The following FBXL7 variants were observed in gnomAD, a reference collection of about 807,000 sequenced individuals.
FBXL7 encodes the protein F-box/LRR-repeat protein 7.
Under a neutral mutation model 38.3 loss-of-function variants are expected in FBXL7, and 12 were observed. That is an observed-to-expected ratio of 0.31 (90% CI 0.20 to 0.51). FBXL7 has a LOEUF of 0.51. Ranked by LOEUF, FBXL7 falls within the 20% of genes least tolerant of loss-of-function variation. The probability of loss-of-function intolerance (pLI) is 0.98; values close to 1 mark genes in which losing one functional copy is unlikely to be tolerated. For synonymous variants in FBXL7, 297 were observed against 300.9 expected (o/e 0.99, Z 0.13); for missense variants, 567 against 676.4 (o/e 0.84, Z 1.79).
At chr5:15,834,006 A>G (rs1738524351) in intron 2 of FBXL7, among the ~76,000 whole-genome samples, 1 of 152,212 alleles carries the variant, frequency 6.6e-6, no homozygotes, top group African/African-American at 2.4e-5. Flanking sequence ...TCTTTTTACC[A>G]TCTAGGCAAT....
intron 2 of FBXL7, among the ~76,000 whole-genome samples, chr5:15,646,267 A>G (rs57833436): frequency 0.029 from 4,444 of 152,294 alleles, 106 homozygotes; most frequent in East Asian, 0.055. Context: ...TGATCCTGAC[A>G]ATATCCTAAT....
intron 1 of FBXL7, among the ~76,000 whole-genome samples, chr5:15,534,669 TA>T (rs1156297659): frequency 6.6e-6 from 1 of 152,204 alleles, no homozygotes; most frequent in Non-Finnish European, 1.5e-5. Context: ...CTCCTTTAGG[TA>T]AATACCAAGG....
In FBXL7 at chr5:15,936,680, G is replaced by T. The variant is rs745600754; in HGVS notation, c.970G>T (p.Ala324Ser). ...EGLRYLVIYCASIKELSVSDC... is the reference protein window; with the variant it reads ...EGLRYLVIYCSSIKELSVSDC... The stretch of plus-strand genomic sequence containing the variant: ...CCTGCGCTACCTGGTGATCTACTGC[G>T]CCTCCATCAAGGAGCTGAGCGTCAG... Residue 324 changes from alanine to serine, a missense_variant, in exon 4 of 4, where the codon GCC (alanine) becomes TCC (serine). Physicochemically the swap from Ala to Ser is moderately conservative, Grantham distance 99. Coordinates refer to ENST00000504595, the MANE Select transcript of FBXL7 (RefSeq NM_012304.5). The surrounding 1 kb of genome is among the most constrained non-coding windows in gnomAD (Gnocchi z 6.0). 1.9e-6 allele frequency: 3 copies of T among 1,608,254 alleles called. No individual in the cohort carries two copies. Among genetic ancestry groups the T allele is most frequent in the East Asian group, 2.2e-5 (1 of 44,870 alleles).
intron 2 of FBXL7, among the ~76,000 whole-genome samples, chr5:15,685,541 ATGG>A (rs1332656859): frequency 6.6e-6 from 1 of 152,114 alleles, no homozygotes; most frequent in Non-Finnish European, 1.5e-5. Context: ...TGTGTAGGGG[ATGG>A]TGGAATATTC....
rs60851536 is a variant in FBXL7 at position 15,723,334 on chromosome 5, C to T, written c.127+107262C>T. ...TTTGAATACTAGAAGAGTACTTTTT[C>T]ATTCTTTTGAAGCTATAGACATGAT... On this transcript the variant is annotated intron_variant, in intron 2 of 3. Coordinates refer to ENST00000504595, the MANE Select transcript of FBXL7 (RefSeq NM_012304.5). 2.1e-3 allele frequency among the ~76,000 whole-genome samples: 320 copies of T among 152,170 alleles called. 1 individual carries two copies. The highest frequency in any genetic ancestry group is 7.3e-3 in the African/African-American group (303 of 41,532).
chr5:15,756,073 A>G (rs545733224), intron 2 of FBXL7, among the ~76,000 whole-genome samples: 13 of 152,342 alleles, frequency 8.5e-5, no homozygotes, highest in Admixed American at 2.0e-4. Flanking sequence ...TTGCAGCTGT[A>G]CTAAGAATTT....
intron 2 of FBXL7, among the ~76,000 whole-genome samples, chr5:15,661,830 C>T (rs558332805): frequency 1.3e-5 from 2 of 152,298 alleles, no homozygotes; most frequent in South Asian, 4.1e-4. Flanking sequence ...ATTATGCCTC[C>T]ACCTCCATCC....
chr5:15,785,334 A>C (rs1737106850), intron 2 of FBXL7, among the ~76,000 whole-genome samples: 1 of 152,124 alleles, frequency 6.6e-6, no homozygotes, highest in South Asian at 2.1e-4. Flanking sequence ...GGTTAATGTG[A>C]CCATGATACA....
intron 2 of FBXL7, among the ~76,000 whole-genome samples, chr5:15,912,949 A>G (rs771584019): frequency 6.6e-6 from 1 of 152,190 alleles, no homozygotes; most frequent in Non-Finnish European, 1.5e-5. Flanking sequence ...ATCAGAGCCC[A>G]GCGTGCTGCA....
intron 1 of FBXL7, among the ~76,000 whole-genome samples, chr5:15,512,099 A>G (rs1371587196): frequency 6.6e-6 from 1 of 152,178 alleles, no homozygotes; most frequent in African/African-American, 2.4e-5. Context: ...GACCCTCAGC[A>G]TCACCGGAGT....
In FBXL7 at chr5:15,730,765, G is replaced by C. The variant is rs568245158; in HGVS notation, c.127+114693G>C. ...GCACAATTAGATATATGATACAAAG[G>C]GACAGTTTTCTGCTTCCTGATAACA... On this transcript the variant is annotated intron_variant, in intron 2 of 3. Transcript: ENST00000504595. Among the ~76,000 whole-genome samples the C allele has an allele frequency of 1.4e-4, 21 of 152,222 alleles. No homozygotes were observed. In the East Asian group the frequency reaches 3.3e-3, roughly 24 times the overall value.
intron 1 of FBXL7, among the ~76,000 whole-genome samples, chr5:15,519,964 A>C (rs955346318): frequency 4.6e-5 from 7 of 152,228 alleles, no homozygotes; most frequent in African/African-American, 7.2e-5. Context: ...TAGACAGGGC[A>C]GCCCTGAAGA....
intron 2 of FBXL7, among the ~76,000 whole-genome samples, chr5:15,642,444 A>C (rs931697183): frequency 6.6e-6 from 1 of 152,182 alleles, no homozygotes; most frequent in African/African-American, 2.4e-5. Flanking sequence ...TATGCCTTAC[A>C]CTCAATTTCT....
chr5:15,501,601 A>G (rs1736487944), intron 1 of FBXL7: 1 of 985,438 alleles, frequency 1.0e-6, no homozygotes, highest in Non-Finnish European at 1.2e-6. Context: ...CCCAGAGGAC[A>G]GTTGGTTACA....
intron 2 of FBXL7, among the ~76,000 whole-genome samples, chr5:15,627,955 C>T (rs570607512): frequency 4.6e-5 from 7 of 152,158 alleles, no homozygotes; most frequent in East Asian, 1.9e-4. Flanking sequence ...TAGTAGTAAA[C>T]GGTGTCTTTG....
At chr5:15,802,854 T>C (rs561578435) in intron 2 of FBXL7, among the ~76,000 whole-genome samples, 1 of 152,278 alleles carries the variant, frequency 6.6e-6, no homozygotes, top group South Asian at 2.1e-4. Flanking sequence ...GGTTTCACCA[T>C]GTTGGCCAGG....
intron 2 of FBXL7, among the ~76,000 whole-genome samples, chr5:15,769,103 A>C (rs116769364): frequency 9.8e-5 from 15 of 152,292 alleles, no homozygotes; most frequent in African/African-American, 3.6e-4. Flanking sequence ...GAGATCCCTC[A>C]CTGCATTGTC....
chr5:15,615,288 T>G (rs567015128), intron 1 of FBXL7, among the ~76,000 whole-genome samples: 26 of 152,318 alleles, frequency 1.7e-4, no homozygotes, highest in African/African-American at 5.8e-4. Flanking sequence ...GGCTGGATAA[T>G]TCTTTCTTGT....
In FBXL7 at chr5:15,735,018, G is replaced by A. The variant is rs967755728; in HGVS notation, c.127+118946G>A. ...ATGATCTTGGCTCACTGCAACCTCC[G>A]TCTCCTGGGTTCAAGCGATTCTCCT... On this transcript the variant is annotated intron_variant, in intron 2 of 3. Transcript: ENST00000504595. Among the ~76,000 whole-genome samples the A allele has an allele frequency of 2.0e-5, 3 of 152,248 alleles. No homozygotes were observed. In the East Asian group the frequency reaches 5.8e-4, roughly 29 times the overall value.
Sources: allele counts gnomAD v4.1 joint callset (sites outside exome capture counted in the v4.1 genomes callset), GRCh38; gene constraint gnomAD v4.1.1; non-coding constraint Gnocchi (gnomAD v3.1); transcripts MANE v1.5; gene names NCBI Gene and HGNC (gene_info 2026-07-23, HGNC 2026-07-21).